RNF213: variants seen among roughly 807,000 people sequenced by gnomAD.
RNF213 encodes E3 ubiquitin-protein ligase RNF213.
Under a neutral mutation model 514.4 loss-of-function variants are expected in RNF213, and 341 were observed. The ratio of observed to expected loss-of-function variants is 0.66; its 90% CI spans 0.61 to 0.73. The LOEUF (loss-of-function observed/expected upper bound fraction) is 0.73. Among genes scored for constraint, RNF213 ranks in the 30% least tolerant of loss-of-function variants. The pLI, the probability that RNF213 is intolerant of heterozygous loss-of-function variation, is 0.00. For synonymous variants in RNF213, 2,655 were observed against 2,658.2 expected (o/e 1.00, Z 0.04); for missense variants, 5,767 against 6,615.6 (o/e 0.87, Z 4.45).
intron 11 of RNF213, among the ~76,000 whole-genome samples, chr17:80,299,265 C>G (rs1386029560): frequency 6.6e-6 from 1 of 152,200 alleles, no homozygotes; most frequent in African/African-American, 2.4e-5. Context: ...TGAGCCAGTT[C>G]TCTGTTACAG....
At chr17:80,340,489 G>T in intron 26 of RNF213, 133 bp downstream of exon 26, 2 of 837,044 alleles carry the variant, frequency 2.4e-6, no homozygotes, top group Non-Finnish European at 3.7e-6. Context: ...ATCTGTGGGT[G>T]TCAATCAGGG....
Position 80,379,666 on chromosome 17 carries a change from C to T in RNF213, c.13592C>T (p.Pro4531Leu), listed in dbSNP as rs143904490. 5.7e-4 allele frequency: 918 copies of T among 1,614,190 alleles called. 1 individual carries two copies. The highest frequency in any genetic ancestry group is 6.5e-4 in the Non-Finnish European group (766 of 1,180,034). The change falls in exon 55 of 68, where the codon CCG becomes CTG. Residue 4531 changes from proline to leucine, a missense_variant. Physicochemically the swap from Pro to Leu is moderately conservative, Grantham distance 98. Coordinates refer to ENST00000582970, the MANE Select transcript of RNF213 (RefSeq NM_001256071.3). Reference protein sequence around the residue: ...EQSICIDCHAPIGGIDHKPRD... With the variant: ...EQSICIDCHALIGGIDHKPRD... Reference sequence around the variant, plus strand: ...AGCATCTGCATTGACTGCCATGCGCCGATTGGAGGCATTGACCACAAACCT... The same window carrying T: ...AGCATCTGCATTGACTGCCATGCGCTGATTGGAGGCATTGACCACAAACCT...
In RNF213 at chr17:80,277,348, A is replaced by G. The variant is rs111773570; in HGVS notation, c.261+3944A>G. Among the ~76,000 whole-genome samples the G allele has an allele frequency of 3.6e-3, 555 of 152,208 alleles. 2 individuals are homozygous for G. Among genetic ancestry groups the G allele is most frequent in the African/African-American group, 0.01 (429 of 41,530 alleles). Reference sequence around the variant, plus strand: ...CCGGTGGCTTCTCACCTGTAATCCCAGCACATTGGGAGGCTGAGGCGGGTG... The same window carrying G: ...CCGGTGGCTTCTCACCTGTAATCCCGGCACATTGGGAGGCTGAGGCGGGTG... On this transcript the variant is annotated intron_variant, in intron 3 of 67. Coordinates refer to ENST00000582970, the MANE Select transcript of RNF213 (RefSeq NM_001256071.3).
intron 54 of RNF213, among the ~76,000 whole-genome samples, chr17:80,378,216 G>A (rs2079840033): frequency 6.6e-6 from 1 of 152,236 alleles, no homozygotes; most frequent in African/African-American, 2.4e-5. Context: ...AGTGAGCCTT[G>A]TCTTGATAGA....
Position 80,346,211 on chromosome 17 carries a change from A to C in RNF213, c.7876A>C (p.Met2626Leu), listed in dbSNP as rs746958817. 2 of 1,614,180 alleles carry C rather than the reference A, an allele frequency of 1.2e-6. No homozygotes were observed. The highest frequency in any genetic ancestry group is 8.5e-7 in the Non-Finnish European group (1 of 1,180,028). Residue 2626 changes from methionine to leucine, a missense_variant, in exon 29 of 68, where the codon ATG becomes CTG. Met to Leu is a conservative substitution (Grantham distance 15, BLOSUM62 2). Transcript: ENST00000582970. The surrounding 1 kb of genome is among the most constrained non-coding windows in gnomAD (Gnocchi z 8.1). ...AGTCCTCTGCGCCTCTCAGGGTTTC[A>C]TGAGGAAAACAGAAGATGAGTGCAG... The part of the protein sequence containing the change: ...TEVLCASQGF[M>L]RKTEDECSFV...
Position 80,398,416 on chromosome 17 carries a change from A to C in RNF213, c.*4918A>C, listed in dbSNP as rs553643132. 1 of 152,296 alleles carries C rather than the reference A, an allele frequency of 6.6e-6. No homozygotes were observed. The highest frequency in any genetic ancestry group is 2.1e-4 in the South Asian group (1 of 4,826). The allele number at this position is 152,296 out of a possible 1,614,324, so 9.4% of individuals were successfully genotyped here. On this transcript the variant is annotated 3_prime_UTR_variant, in exon 68 of 68. Coordinates refer to ENST00000582970, the MANE Select transcript of RNF213 (RefSeq NM_001256071.3). ...GATTTAAGGGAGACTATGGAGTACT[A>C]TGACACCAGGAAAACTTAAAACTTT...
intron 15 of RNF213, among the ~76,000 whole-genome samples, chr17:80,315,252 G>A (rs1252724928): frequency 3.0e-5 from 1 of 32,842 alleles, no homozygotes; most frequent in Non-Finnish European, 5.2e-5. Context: ...GATGGTGGTG[G>A]ACGTGATGGT....
In RNF213 at chr17:80,337,815, A is replaced by C; in HGVS notation, c.4669-18A>C. The C allele has an allele frequency of 6.5e-7, 1 of 1,536,910 alleles. No individual in the cohort carries two copies. Among genetic ancestry groups the C allele is most frequent in the South Asian group, 1.2e-5 (1 of 84,064 alleles). On this transcript the variant is annotated intron_variant, in intron 24 of 67. Transcript: ENST00000582970. ...TTCTGGCCCCAAGAAAGTGACTTCT[A>C]ACCTATGCTCTTCACAGATTTCCCC...
chr17:80,319,627 G>A (rs2046071594), intron 17 of RNF213: 3 of 1,523,388 alleles, frequency 2.0e-6, no homozygotes, highest in Non-Finnish European at 2.6e-6. Context: ...CATCACTGTG[G>A]CTGCTGGTTT....
chr17:80,330,975 G>A (rs927354267), intron 20 of RNF213, among the ~76,000 whole-genome samples: 12 of 152,124 alleles, frequency 7.9e-5, no homozygotes, highest in East Asian at 1.9e-4. Flanking sequence ...CCACCACCAC[G>A]TCCAGCTAGT....
rs114493717 is a variant in RNF213 at position 80,273,288 on chromosome 17, A to G, written c.145A>G (p.Met49Val). Residue 49 changes from methionine to valine, a missense_variant, in exon 3 of 68, where the codon ATG becomes GTG. By Grantham distance (21) the Met-to-Val change is conservative. This residue lies in a region of RNF213 where 509 missense variants were observed against 496.7 expected (regional missense o/e 1.02). Coordinates refer to ENST00000582970, the MANE Select transcript of RNF213 (RefSeq NM_001256071.3). ...AATGGCGTCGGCCTCGGAGGGTGAA[A>G]TGGAGTGTGGGCAGGAGCTGAAGGA... is the stretch of plus-strand genomic sequence containing the variant. Reference protein sequence around the residue: ...STMASASEGEMECGQELKEEG... With the variant: ...STMASASEGEVECGQELKEEG... 1,418 of 1,613,602 alleles carry G rather than the reference A, an allele frequency of 8.8e-4. 12 individuals carry two copies. In the African/African-American group the frequency reaches 0.017, roughly 19 times the overall value.
At chr17:80,310,532 T>C (rs534066171) in intron 14 of RNF213, among the ~76,000 whole-genome samples, 2 of 151,242 alleles carry the variant, frequency 1.3e-5, no homozygotes, top group Admixed American at 6.6e-5. Context: ...GGATTGCCGA[T>C]GTGAGCCACT....
chr17:80,265,044 G>GT lies in RNF213; in HGVS notation c.97+1283dup, dbSNP rs55814957. On this transcript the variant is annotated intron_variant, in intron 2 of 67. Coordinates refer to ENST00000582970, the MANE Select transcript of RNF213 (RefSeq NM_001256071.3). The stretch of plus-strand genomic sequence containing the variant: ...AGCCCCAGTCCTTCCATGTTTGTTT[G>GT]TTTTTTTTTTTTTTTTTAGAGGGAG... Among the ~76,000 whole-genome samples the GT allele has an allele frequency of 5.0e-3, 557 of 110,798 alleles. 7 individuals are homozygous for GT. The highest frequency in any genetic ancestry group is 0.018 in the African/African-American group (382 of 20,974). 72.7% of individuals were successfully genotyped at this position (110,798 alleles called of 152,430 possible).
At chr17:80,269,908 A>G (rs1490138784) in intron 2 of RNF213, among the ~76,000 whole-genome samples, 4 of 152,244 alleles carry the variant, frequency 2.6e-5, no homozygotes, top group Non-Finnish European at 5.9e-5. Flanking sequence ...CTAGTTAAGT[A>G]TGTCTCTTAT....
intron 14 of RNF213, 107 bp downstream of exon 14, chr17:80,309,278 T>C (rs897818613): frequency 1.5e-6 from 2 of 1,363,910 alleles, no homozygotes; most frequent in Admixed American, 3.4e-5. Flanking sequence ...TGGGATGAGA[T>C]GGAGCGGTGG....
chr17:80,263,910 G>C lies in RNF213; in HGVS notation c.97+132G>C. On this transcript the variant is annotated intron_variant, in intron 2 of 67. Transcript: ENST00000582970. The surrounding 1 kb of genome is among the most constrained non-coding windows in gnomAD (Gnocchi z 4.9). Reference sequence around the variant, plus strand: ...GGCCGAGGTCCTCTGTGGCTACTGAGGCTCTGTGGCTCTGAATAGCCATCT... The same window carrying C: ...GGCCGAGGTCCTCTGTGGCTACTGACGCTCTGTGGCTCTGAATAGCCATCT... The C allele has an allele frequency of 2.9e-6, 2 of 691,722 alleles. No homozygotes were observed. Among genetic ancestry groups the C allele is most frequent in the Non-Finnish European group, 5.1e-6 (2 of 391,146 alleles). The allele number at this position is 691,722 out of a possible 1,614,324, so 42.8% of individuals were successfully genotyped here. A position where few individuals can be genotyped will look rare whatever the true frequency, so the allele number is the denominator to read the frequency against.
chr17:80,370,186 C>T (rs2079460240), intron 46 of RNF213, among the ~76,000 whole-genome samples: 1 of 152,194 alleles, frequency 6.6e-6, no homozygotes, highest in South Asian at 2.1e-4. Context: ...CACAGCAGCG[C>T]AACTTTCTGA....
intron 55 of RNF213, among the ~76,000 whole-genome samples, 173 bp from the exon 56 acceptor site, chr17:80,380,658 C>T (rs1449027582): frequency 6.6e-6 from 1 of 152,156 alleles, no homozygotes; most frequent in East Asian, 1.9e-4. Flanking sequence ...ACCGGAAAGG[C>T]GAGTCTATCA....
Position 80,325,141 on chromosome 17 carries a change from G to A in RNF213, c.3136G>A (p.Asp1046Asn), listed in dbSNP as rs1259693201. ...SWPRTADNFD[D>N]ILKHLLTLAD... The stretch of plus-strand genomic sequence containing the variant: ...GCCTAGGACCGCGGACAACTTCGAT[G>A]ACATTTTAAAGCATCTGCTCACGTT... The change falls in exon 18 of 68, where the codon GAC (aspartate) becomes AAC (asparagine). Residue 1046 changes from aspartate (D) to asparagine (N), a missense_variant. By Grantham distance (23) the Asp-to-Asn change is conservative (BLOSUM62 1). Coordinates refer to ENST00000582970, the MANE Select transcript of RNF213 (RefSeq NM_001256071.3). 6.5e-7 allele frequency: 1 copy of A among 1,537,006 alleles called. No homozygotes were observed. The highest frequency in any genetic ancestry group is 8.7e-7 in the Non-Finnish European group (1 of 1,146,830).
Sources: allele counts gnomAD v4.1 joint callset (sites outside exome capture counted in the v4.1 genomes callset), GRCh38; gene constraint gnomAD v4.1.1; regional missense constraint gnomAD v4.1.1; non-coding constraint Gnocchi (gnomAD v3.1); transcripts MANE v1.5; gene names NCBI Gene and HGNC (gene_info 2026-07-23, HGNC 2026-07-21).